The following ENTHD1 variants were observed in gnomAD, a reference collection of about 807,000 sequenced individuals.
ENTHD1 encodes the protein ENTH domain containing 1, also known as ENTH domain-containing protein 1.
In ENTHD1, 23 loss-of-function variants were observed where a neutral mutation model predicts 39.1. The observed-to-expected ratio is 0.59, with a 90% CI of 0.42 to 0.83. The LOEUF (loss-of-function observed/expected upper bound fraction) is 0.83. ENTHD1 is among the 40% of genes least tolerant of loss of function. The pLI, the probability that ENTHD1 is intolerant of heterozygous loss-of-function variation, is 0.00. For synonymous variants in ENTHD1, 230 were observed against 258.2 expected, an observed-to-expected ratio of 0.89 and a Z score of 1.05; for missense variants, 624 against 705.4, an observed-to-expected ratio of 0.88 and a Z score of 1.31.
intron 3 of ENTHD1, among the ~76,000 whole-genome samples, chr22:39,845,059 TA>T (rs1715867874): frequency 6.8e-6 from 1 of 146,844 alleles, no homozygotes. Flanking sequence ...TGAGATCTGC[TA>T]CAGAAAAATG....
intron 6 of ENTHD1, among the ~76,000 whole-genome samples, chr22:39,751,668 T>C (rs939861984): frequency 6.6e-6 from 1 of 152,200 alleles, no homozygotes; most frequent in Admixed American, 6.5e-5. Flanking sequence ...TCCAGCAATT[T>C]GGAGATTTTC....
intron 5 of ENTHD1, among the ~76,000 whole-genome samples, chr22:39,783,194 T>C (rs931826987): frequency 1.3e-5 from 2 of 152,092 alleles, no homozygotes; most frequent in East Asian, 3.9e-4. Context: ...ACAAGAAATA[T>C]AGCATACCTA....
chr22:39,772,008 T>C (rs2065329980), intron 5 of ENTHD1, among the ~76,000 whole-genome samples: 1 of 152,170 alleles, frequency 6.6e-6, no homozygotes, highest in Admixed American at 6.5e-5. Context: ...AATGTAACAA[T>C]ATGTGTGGAG....
chr22:39,869,644 A>G (rs2066221547), intron 2 of ENTHD1, among the ~76,000 whole-genome samples: 1 of 152,058 alleles, frequency 6.6e-6, no homozygotes, highest in Admixed American at 6.5e-5. Context: ...TTGTAAAAAA[A>G]AAAAAAAAAC....
Position 39,887,839 on chromosome 22 carries a change from G to C in ENTHD1, c.-91C>G, listed in dbSNP as rs756942979. 1.2e-6 allele frequency: 1 copy of C among 859,280 alleles called. No homozygotes were observed. Among genetic ancestry groups the C allele is most frequent in the Admixed American group, 2.8e-5 (1 of 35,554 alleles). 53.2% of individuals were successfully genotyped at this position (859,280 alleles called of 1,614,324 possible). A position where few individuals can be genotyped will look rare whatever the true frequency, so the allele number is the denominator to read the frequency against. On this transcript the variant is annotated 5_prime_UTR_variant, in exon 2 of 7. Transcript: ENST00000325157. ...TTTATAAAACTCTTGACAGGTAATT[G>C]GTCCCCAGTTCTGCTGCTCCCAAAT...
chr22:39,857,022 TAATA>T (rs1439896413), intron 3 of ENTHD1, among the ~76,000 whole-genome samples: 1 of 152,164 alleles, frequency 6.6e-6, no homozygotes, highest in Non-Finnish European at 1.5e-5. Context: ...TATTAAAAAA[TAATA>T]AATTGTAGCA....
intron 4 of ENTHD1, among the ~76,000 whole-genome samples, chr22:39,826,551 C>A (rs923613170): frequency 6.6e-6 from 1 of 151,920 alleles, no homozygotes; most frequent in Non-Finnish European, 1.5e-5. Flanking sequence ...CTACTGTAAG[C>A]GTTTAAAAAA....
chr22:39,794,197 G>A lies in ENTHD1; in HGVS notation c.832+26796C>T, dbSNP rs188968191. On this transcript the variant is annotated intron_variant, in intron 5 of 6. Transcript: ENST00000325157. ...CACCGCCTTGGTTAAAATACTCCTAGGTATTTTATTTTATTTGTAGCTACG... is the reference window on the plus strand; with the variant it reads ...CACCGCCTTGGTTAAAATACTCCTAAGTATTTTATTTTATTTGTAGCTACG... Among the ~76,000 whole-genome samples, 432 of 152,098 alleles carry A rather than the reference G, an allele frequency of 2.8e-3. 1 individual carries two copies. Among genetic ancestry groups the A allele is most frequent in the Non-Finnish European group, 5.2e-3 (351 of 67,978 alleles).
intron 5 of ENTHD1, among the ~76,000 whole-genome samples, chr22:39,772,828 TATA>T (rs1292284197): frequency 6.6e-6 from 1 of 152,078 alleles, no homozygotes; most frequent in South Asian, 2.1e-4. Flanking sequence ...GCTGAGTGGC[TATA>T]ATAATATCAG....
intron 5 of ENTHD1, among the ~76,000 whole-genome samples, chr22:39,818,070 G>A (rs2065747285): frequency 6.6e-6 from 1 of 152,204 alleles, no homozygotes; most frequent in African/African-American, 2.4e-5. Context: ...TGAGGTGGAA[G>A]TATTACAGCA....
At position 39,821,045 on chromosome 22, in the gene ENTHD1, A is replaced by G. The variant is rs757415348; in HGVS notation, c.780T>C (p.Ser260=). The G allele has an allele frequency of 1.4e-5, 23 of 1,614,114 alleles. No homozygotes were observed. The highest frequency in any genetic ancestry group is 1.7e-5 in the Non-Finnish European group (20 of 1,179,984). ...CTGCTTCTGACAAGCAAGTGATTGG[A>G]GAGACAATGGAAGGAGGTGTTGCTA... ...PLLATPPSIV[S]PITCLSEAEE... The change falls in exon 5 of 7, where the codon TCT becomes TCC. Residue 260 remains serine, a synonymous_variant. Transcript: ENST00000325157.
intron 5 of ENTHD1, among the ~76,000 whole-genome samples, chr22:39,766,551 G>A (rs1342885112): frequency 6.6e-6 from 1 of 152,182 alleles, no homozygotes; most frequent in Non-Finnish European, 1.5e-5. Context: ...GAAACGAGAA[G>A]CATGATGAGG....
chr22:39,892,243 A>G (rs2146789570), intron 1 of ENTHD1, among the ~76,000 whole-genome samples: 1 of 152,334 alleles, frequency 6.6e-6, no homozygotes, highest in South Asian at 2.1e-4. Context: ...TTATTTTTAG[A>G]TCTGCCCACT....
At chr22:39,877,751 C>T (rs545653233) in intron 2 of ENTHD1, among the ~76,000 whole-genome samples, 1 of 152,122 alleles carries the variant, frequency 6.6e-6, no homozygotes, top group Non-Finnish European at 1.5e-5. Flanking sequence ...CAAGTTCTGC[C>T]CTTAGGAGAA....
chr22:39,784,861 T>C (rs1337706465), intron 5 of ENTHD1, among the ~76,000 whole-genome samples: 1 of 152,128 alleles, frequency 6.6e-6, no homozygotes, highest in Non-Finnish European at 1.5e-5. Context: ...TCATGTTAGA[T>C]AGATCAGTAG....
At chr22:39,772,484 G>T (rs779182544) in intron 5 of ENTHD1, among the ~76,000 whole-genome samples, 6 of 152,142 alleles carry the variant, frequency 3.9e-5, no homozygotes, top group Non-Finnish European at 7.3e-5. Context: ...ATACCTAAAG[G>T]TGTATAATTT....
intron 5 of ENTHD1, among the ~76,000 whole-genome samples, chr22:39,817,576 A>G (rs1313110095): frequency 2.6e-5 from 4 of 152,208 alleles, no homozygotes; most frequent in Non-Finnish European, 5.9e-5. Context: ...CCAAACTGGT[A>G]ATAGTTCACT....
rs112278629 is a variant in ENTHD1, at chr22:39,835,834, A to G, written c.711+6T>C. ...TTACAGCAGCTATAGGAAACTATAG[A>G]CTTACCTCTGTTGATTTCCAACCAT... On this transcript the variant is annotated splice_donor_region_variant and intron_variant, in intron 4 of 6. Transcript: ENST00000325157. The G allele has an allele frequency of 8.6e-4, 1,374 of 1,595,102 alleles. 19 individuals are homozygous for G. The African/African-American group carries it at 0.015, about 18-fold the overall frequency.
chr22:39,886,881 T>G (rs908104809), intron 2 of ENTHD1, among the ~76,000 whole-genome samples: 6 of 152,248 alleles, frequency 3.9e-5, no homozygotes, highest in African/African-American at 9.6e-5. Context: ...CCTTAATTTA[T>G]GACTAAATTC....
Sources: allele counts gnomAD v4.1 joint callset (sites outside exome capture counted in the v4.1 genomes callset), GRCh38; gene constraint gnomAD v4.1.1; transcripts MANE v1.5; gene names NCBI Gene and HGNC (gene_info 2026-07-23, HGNC 2026-07-21).